The following XIRP2 variants were observed in gnomAD, a reference collection of about 807,000 sequenced individuals.
The protein encoded by XIRP2 is xin actin binding repeat containing 2.
A neutral mutation model predicts 277.0 loss-of-function variants in XIRP2; 236 were observed. That is an observed-to-expected ratio of 0.85 (90% CI 0.77 to 0.95). XIRP2 has a LOEUF of 0.95. Among genes scored for constraint, XIRP2 ranks in the 40% least tolerant of loss-of-function variants. The probability of loss-of-function intolerance (pLI) is 0.00; values close to 1 mark genes in which losing one functional copy is unlikely to be tolerated. For synonymous variants in XIRP2, 1,490 were observed against 1,416.5 expected (o/e 1.05, Z -1.17); for missense variants, 4,640 against 4,157.5 (o/e 1.12, Z -3.19).
At chr2:166,952,292 T>G (rs1686057277) in intron 2 of XIRP2, among the ~76,000 whole-genome samples, 1 of 152,030 alleles carries the variant, frequency 6.6e-6, no homozygotes, top group Non-Finnish European at 1.5e-5. Context: ...ACTATTAAAT[T>G]CTTTACCAAA....
intron 2 of XIRP2, among the ~76,000 whole-genome samples, chr2:166,932,087 T>A (rs1685356930): frequency 6.6e-6 from 1 of 152,208 alleles, no homozygotes; most frequent in Admixed American, 6.5e-5. Context: ...AAATCTTTTG[T>A]CCATCATATT....
At chr2:166,925,332 G>A (rs1685151256) in intron 2 of XIRP2, among the ~76,000 whole-genome samples, 1 of 151,924 alleles carries the variant, frequency 6.6e-6, no homozygotes, top group East Asian at 1.9e-4. Flanking sequence ...ATTACTGAAT[G>A]ACTGATGCAT....
chr2:167,136,144 T>G, intron 3 of XIRP2, 82 bp downstream of exon 3: 1 of 1,297,622 alleles, frequency 7.7e-7, no homozygotes, highest in South Asian at 2.1e-5. Context: ...ATATGAGGGG[T>G]TTGTTTAAAA....
intron 3 of XIRP2, among the ~76,000 whole-genome samples, chr2:167,153,857 C>T (rs553017184): frequency 2.4e-4 from 36 of 150,652 alleles, no homozygotes; most frequent in African/African-American, 6.6e-4. Context: ...TGAATAGTGC[C>T]GCAATAAACA....
At chr2:166,949,435 T>G (rs908461055) in intron 2 of XIRP2, among the ~76,000 whole-genome samples, 3 of 152,100 alleles carry the variant, frequency 2.0e-5, no homozygotes, top group Non-Finnish European at 2.9e-5. Context: ...CAGTCAAAGT[T>G]GATAATTCGA....
intron 2 of XIRP2, among the ~76,000 whole-genome samples, chr2:167,106,978 TAAAG>T (rs919266699): frequency 2.0e-5 from 3 of 151,206 alleles, no homozygotes; most frequent in Non-Finnish European, 4.4e-5. Context: ...ATTGTTAGTA[TAAAG>T]AAATACAATA....
chr2:167,104,323 A>G (rs951765870), intron 2 of XIRP2, among the ~76,000 whole-genome samples: 2 of 152,168 alleles, frequency 1.3e-5, no homozygotes, highest in South Asian at 4.1e-4. Context: ...ACTGATGCAT[A>G]TAGAATAAAA....
Position 167,024,410 on chromosome 2 carries a change from T to A in XIRP2, c.409-111499T>A, listed in dbSNP as rs889056603. ...CATGTCATCTGCAAACAGGGACAAT[T>A]TGACTTCCTCTTTTCCTAATTGAAT... On this transcript the variant is annotated intron_variant, in intron 2 of 10. Transcript: ENST00000409195. 3.3e-5 allele frequency among the ~76,000 whole-genome samples: 5 copies of A among 152,114 alleles called. No individual in the cohort carries two copies. The East Asian group carries it at 7.7e-4, about 24-fold the overall frequency.
chr2:166,964,290 TAATGTATAGGCA>T (rs923569405), intron 2 of XIRP2, among the ~76,000 whole-genome samples: 7 of 151,974 alleles, frequency 4.6e-5, no homozygotes, highest in Admixed American at 2.0e-4. Context: ...GTCATTGCTT[TAATGTATAGGCA>T]AATTGTGTTT....
intron 3 of XIRP2, among the ~76,000 whole-genome samples, chr2:167,149,603 T>C (rs937662604): frequency 2.9e-4 from 44 of 152,098 alleles, no homozygotes; most frequent in Non-Finnish European, 4.6e-4. Context: ...TGTCTTTCAT[T>C]ATATACACAA....
rs770280022 is a variant in XIRP2, at chr2:167,243,894, A to AG, written c.2504dup (p.Thr836TyrfsTer11). 6 of 1,613,908 alleles carry AG rather than the reference A, an allele frequency of 3.7e-6. No homozygotes were observed. The highest frequency in any genetic ancestry group is 5.1e-6 in the Non-Finnish European group (6 of 1,179,946). On this transcript the variant is annotated frameshift_variant, in exon 9 of 11. Transcript: ENST00000409195. LOFTEE classifies it high-confidence loss of function. The stretch of plus-strand genomic sequence containing the variant: ...TCATCATTGAAAAGGAAAAAATAAT[A>AG]GGTACAGATGTCTCCAGAAAGTGTT...
chr2:167,217,162 T>G (rs1303930758), intron 4 of XIRP2, among the ~76,000 whole-genome samples: 1 of 147,222 alleles, frequency 6.8e-6, no homozygotes. Flanking sequence ...AGGGGTAGCA[T>G]TGGGAGATAT....
intron 2 of XIRP2, among the ~76,000 whole-genome samples, chr2:167,057,273 A>G (rs190476690): frequency 2.0e-4 from 30 of 152,258 alleles, no homozygotes; most frequent in Non-Finnish European, 2.9e-4. Context: ...CAAACCAAAG[A>G]GTCCTAAGTT....
intron 2 of XIRP2, among the ~76,000 whole-genome samples, chr2:167,008,578 C>G: frequency 6.6e-6 from 1 of 151,562 alleles, no homozygotes; most frequent in East Asian, 1.9e-4. Context: ...TTGGAGGCAA[C>G]AGTGGTTTGA....
chr2:167,113,898 A>T (rs1690826622), intron 2 of XIRP2, among the ~76,000 whole-genome samples: 3 of 152,162 alleles, frequency 2.0e-5, no homozygotes, highest in African/African-American at 7.2e-5. Context: ...TCACTTATGA[A>T]GCTTCGTTTG....
intron 2 of XIRP2, among the ~76,000 whole-genome samples, chr2:166,931,496 CTTTA>C (rs1484209477): frequency 2.6e-5 from 4 of 152,116 alleles, no homozygotes; most frequent in African/African-American, 4.8e-5. Context: ...CACTTTTAAA[CTTTA>C]TTTGAGTCAT....
rs560520887 is a variant in XIRP2 at position 166,909,762 on chromosome 2, A to G, written c.408+5872A>G. Among the ~76,000 whole-genome samples, 7 of 152,332 alleles carry G rather than the reference A, an allele frequency of 4.6e-5. No individual in the cohort carries two copies. The South Asian group carries it at 1.4e-3, about 32-fold the overall frequency. On this transcript the variant is annotated intron_variant, in intron 2 of 10. Transcript: ENST00000409195. ...GATATTGGCTGTGGGTTTGTCATAA[A>G]TAGCTCTTATTATTTTGAGATACAT...
chr2:167,197,138 G>A (rs115343530), intron 3 of XIRP2, among the ~76,000 whole-genome samples: 6,061 of 152,154 alleles, frequency 0.04, 133 homozygotes, highest in Non-Finnish European at 0.05. Context: ...GAGACTTTTG[G>A]GTGAAGAGCT....
rs570596786 is a variant in XIRP2, at chr2:167,257,932, A to T, written c.*115A>T. On this transcript the variant is annotated 3_prime_UTR_variant, in exon 11 of 11. Coordinates refer to ENST00000409195, the MANE Select transcript of XIRP2 (RefSeq NM_152381.6). ...TTAAACAACTTTTCAAATCCAAAGG[A>T]AATTATGATGAAGGTTTTGGACATA... The T allele has an allele frequency of 2.3e-5, 37 of 1,612,686 alleles. No individual in the cohort carries two copies. Among genetic ancestry groups the T allele is most frequent in the Non-Finnish European group, 2.9e-5 (34 of 1,179,300 alleles).
Sources: allele counts gnomAD v4.1 joint callset (sites outside exome capture counted in the v4.1 genomes callset), GRCh38; gene constraint gnomAD v4.1.1; transcripts MANE v1.5; gene names NCBI Gene and HGNC (gene_info 2026-07-23, HGNC 2026-07-21).